FRMD4A: variants seen among roughly 807,000 people sequenced by gnomAD.
The protein encoded by FRMD4A is FERM domain-containing protein 4A.
FRMD4A carries 29 observed loss-of-function variants against 129.1 expected under a neutral mutation model. The ratio of observed to expected loss-of-function variants is 0.22; its 90% CI spans 0.17 to 0.31. The LOEUF (loss-of-function observed/expected upper bound fraction) is 0.31, where lower values mean the gene tolerates loss of function less well. Among genes scored for constraint, FRMD4A ranks in the 10% least tolerant of loss-of-function variants. The pLI, the probability that FRMD4A is intolerant of heterozygous loss-of-function variation, is 1.00. For missense variants in FRMD4A, 1,272 were observed against 1,375.8 expected (o/e 0.92, Z 1.19); for synonymous variants, 634 against 571.6 (o/e 1.11, Z -1.56).
chr10:14,192,794 C>T (rs1488097315), intron 2 of FRMD4A, among the ~76,000 whole-genome samples: 1 of 152,194 alleles, frequency 6.6e-6, no homozygotes, highest in Non-Finnish European at 1.5e-5. Flanking sequence ...GTAATGAATT[C>T]CTTCAAAGAG....
At chr10:14,111,098 A>G (rs1837877116) in intron 2 of FRMD4A, among the ~76,000 whole-genome samples, 1 of 152,216 alleles carries the variant, frequency 6.6e-6, no homozygotes, top group African/African-American at 2.4e-5. Flanking sequence ...AAACATTTTC[A>G]TCTTGCAAAA....
chr10:14,193,459 CA>C (rs1842378179), intron 2 of FRMD4A, among the ~76,000 whole-genome samples: 1 of 118,434 alleles, frequency 8.4e-6, no homozygotes, highest in Non-Finnish European at 1.6e-5. Context: ...TACATACATA[CA>C]CCCACCCACC....
chr10:13,968,240 C>T (rs1340745457), intron 2 of FRMD4A, among the ~76,000 whole-genome samples: 1 of 152,188 alleles, frequency 6.6e-6, no homozygotes, highest in Non-Finnish European at 1.5e-5. Context: ...AAAAAGTTCC[C>T]TAGGTGAACT....
chr10:13,979,238 A>T (rs2095552452), intron 2 of FRMD4A, among the ~76,000 whole-genome samples: 1 of 152,218 alleles, frequency 6.6e-6, no homozygotes, highest in Non-Finnish European at 1.5e-5. Flanking sequence ...GGTTACATGC[A>T]GGTCTGGGGC....
At chr10:13,676,899 C>T (rs1485747857) in intron 15 of FRMD4A, among the ~76,000 whole-genome samples, 3 of 152,106 alleles carry the variant, frequency 2.0e-5, no homozygotes, top group African/African-American at 7.2e-5. Flanking sequence ...ATTCTATTTC[C>T]ATAGGAAACA....
chr10:14,144,822 T>C (rs796188285), intron 2 of FRMD4A, among the ~76,000 whole-genome samples: 4 of 152,068 alleles, frequency 2.6e-5, no homozygotes, highest in African/African-American at 4.8e-5. Context: ...GGGCAGGTGA[T>C]GAAGAGCAGC....
At chr10:13,650,230 A>T (rs1186439291) in intron 24 of FRMD4A, among the ~76,000 whole-genome samples, 2 of 152,128 alleles carry the variant, frequency 1.3e-5, no homozygotes, top group East Asian at 3.9e-4. Context: ...TTAAACGTAT[A>T]ACTAACTTAC....
chr10:13,830,441 A>C (rs1017741165), intron 3 of FRMD4A, among the ~76,000 whole-genome samples: 6 of 152,236 alleles, frequency 3.9e-5, no homozygotes, highest in Non-Finnish European at 8.8e-5. Flanking sequence ...TCCAAAGCCA[A>C]ACTATAGACT....
At chr10:14,294,937 C>T (rs1845962768) in intron 2 of FRMD4A, among the ~76,000 whole-genome samples, 1 of 152,158 alleles carries the variant, frequency 6.6e-6, no homozygotes, top group African/African-American at 2.4e-5. Context: ...GCAATCTATC[C>T]TGGTATCAGG....
intron 10 of FRMD4A, 111 bp from the exon 11 acceptor site, chr10:13,740,362 C>A: frequency 1.1e-6 from 1 of 907,996 alleles, no homozygotes; most frequent in Non-Finnish European, 1.8e-6. Flanking sequence ...TGATAAAGTT[C>A]TCGGAGTGAT....
chr10:13,781,869 G>T (rs1321619604), intron 6 of FRMD4A, among the ~76,000 whole-genome samples: 1 of 152,284 alleles, frequency 6.6e-6, no homozygotes, highest in South Asian at 2.1e-4. Context: ...CAGTTTAGCA[G>T]ATGAAAAGAG....
intron 4 of FRMD4A, among the ~76,000 whole-genome samples, chr10:13,802,941 A>T (rs1002144277): frequency 6.6e-6 from 1 of 152,148 alleles, no homozygotes; most frequent in African/African-American, 2.4e-5. Flanking sequence ...TGAAGCCAGG[A>T]GTTCGAGACC....
Position 13,826,401 on chromosome 10 carries a change from T to C in FRMD4A, c.112-15493A>G, listed in dbSNP as rs1838649339. 2.0e-5 allele frequency among the ~76,000 whole-genome samples: 3 copies of C among 152,172 alleles called. No individual in the cohort carries two copies. The South Asian group carries it at 6.2e-4, about 32-fold the overall frequency. On this transcript the variant is annotated intron_variant, in intron 3 of 24. Coordinates refer to ENST00000357447, the MANE Select transcript of FRMD4A (RefSeq NM_018027.5). ...TTGCCCTACACAGCATACTTTCTTA[T>C]TCCCAGTGTCTGCTCAGAAATACCC...
chr10:14,240,956 C>T (rs1030327727), intron 2 of FRMD4A, among the ~76,000 whole-genome samples: 1 of 151,852 alleles, frequency 6.6e-6, no homozygotes. Context: ...TATTCAGATG[C>T]ATCAGCAGAA....
intron 2 of FRMD4A, among the ~76,000 whole-genome samples, chr10:14,228,072 C>T (rs1354414044): frequency 6.6e-6 from 1 of 152,126 alleles, no homozygotes; most frequent in African/African-American, 2.4e-5. Context: ...CAGGGTTTCA[C>T]CATGTTGGCC....
At chr10:13,818,986 G>A (rs1189345232) in intron 3 of FRMD4A, among the ~76,000 whole-genome samples, 1 of 152,078 alleles carries the variant, frequency 6.6e-6, no homozygotes, top group Non-Finnish European at 1.5e-5. Flanking sequence ...AAATTAGCTG[G>A]GCGTGGTGGC....
intron 2 of FRMD4A, among the ~76,000 whole-genome samples, chr10:14,177,350 T>A (rs1841766982): frequency 6.6e-6 from 1 of 152,020 alleles, no homozygotes; most frequent in Non-Finnish European, 1.5e-5. Flanking sequence ...TTTTTGTATT[T>A]TCAGTAGAGA....
chr10:14,037,047 C>T (rs1405754969), intron 2 of FRMD4A, among the ~76,000 whole-genome samples: 1 of 152,218 alleles, frequency 6.6e-6, no homozygotes, highest in East Asian at 1.9e-4. Flanking sequence ...TGACCTACAG[C>T]CACCCAGTTC....
At chr10:13,881,079 C>T (rs985505863) in intron 2 of FRMD4A, among the ~76,000 whole-genome samples, 12 of 152,210 alleles carry the variant, frequency 7.9e-5, no homozygotes, top group Middle Eastern at 3.4e-3. Context: ...TCAAATACTT[C>T]TGCCATTTGC....
Sources: gnomAD v4.1 joint callset for allele counts (sites outside exome capture counted in the v4.1 genomes callset) on GRCh38, gnomAD v4.1.1 for gene constraint, MANE v1.5 for transcripts, NCBI Gene and HGNC (gene_info 2026-07-23, HGNC 2026-07-21) for gene names.